The following DST variants were observed in gnomAD, a reference collection of about 807,000 sequenced individuals.
DST encodes dystonin, also known as bullous pemphigoid antigen.
DST carries 253 observed loss-of-function variants against 875.2 expected under a neutral mutation model. That is an observed-to-expected ratio of 0.29 (90% CI 0.26 to 0.32). DST has a LOEUF of 0.32. Ranked by LOEUF, DST falls within the 10% of genes least tolerant of loss-of-function variation. DST has a pLI of 1.00. For missense variants in DST, 8,287 were observed against 9,111.6 expected, an observed-to-expected ratio of 0.91 and a Z score of 3.68; for synonymous variants, 3,124 against 3,197.1, an observed-to-expected ratio of 0.98 and a Z score of 0.77.
At chr6:56,524,638 T>C (rs1037574258) in intron 69 of DST, among the ~76,000 whole-genome samples, 1 of 152,088 alleles carries the variant, frequency 6.6e-6, no homozygotes, top group Non-Finnish European at 1.5e-5. Flanking sequence ...GGTATTTTCA[T>C]TGGACAGACT....
At chr6:56,909,666 G>T (rs554278368) in intron 2 of DST, among the ~76,000 whole-genome samples, 1 of 152,302 alleles carries the variant, frequency 6.6e-6, no homozygotes, top group East Asian at 1.9e-4. Flanking sequence ...TTAAAATACA[G>T]ACTTCTGGGC....
chr6:56,770,292 G>T (rs2099648495), intron 4 of DST, among the ~76,000 whole-genome samples: 1 of 152,134 alleles, frequency 6.6e-6, no homozygotes, highest in Non-Finnish European at 1.5e-5. Flanking sequence ...TCAACATTTG[G>T]TCTGTTTGAC....
chr6:56,494,210 C>T (rs753964888), intron 82 of DST, 30 bp from the exon 83 acceptor site: 16 of 1,549,140 alleles, frequency 1.0e-5, no homozygotes, highest in Non-Finnish European at 1.4e-5. Context: ...AGTTATATCA[C>T]TTTAAGAAAG....
rs188676966 is a variant in DST at position 56,519,841 on chromosome 6, G to A, written c.18130-2221C>T. On this transcript the variant is annotated intron_variant, in intron 69 of 103. Transcript: ENST00000680361. Reference sequence around the variant, plus strand: ...CTAACACTCATAAGATCATATAAGAGCCAGGAAAATCTCAAACTGAATTAA... The same window carrying A: ...CTAACACTCATAAGATCATATAAGAACCAGGAAAATCTCAAACTGAATTAA... Among the ~76,000 whole-genome samples the A allele has an allele frequency of 2.2e-4, 34 of 152,272 alleles. No individual in the cohort carries two copies. The East Asian group carries it at 6.2e-3, about 28-fold the overall frequency.
intron 4 of DST, among the ~76,000 whole-genome samples, chr6:56,789,383 G>A (rs1488013479): frequency 6.6e-6 from 1 of 152,058 alleles, no homozygotes; most frequent in Non-Finnish European, 1.5e-5. Context: ...ATATGCATAT[G>A]TACACACCTC....
rs138672781 is a variant in DST at position 56,549,152 on chromosome 6, C to G, written c.16608+3032G>C. Among the ~76,000 whole-genome samples, 272 of 152,264 alleles carry G rather than the reference C, an allele frequency of 1.8e-3. 4 individuals are homozygous for G. The highest frequency in any genetic ancestry group is 0.015 in the Admixed American group (225 of 15,278). On this transcript the variant is annotated intron_variant, in intron 61 of 103. Transcript: ENST00000680361. Reference sequence around the variant, plus strand: ...TTACGGGTCCAGTGAATAGAAGGCACCCCCTGCTGAGTAACTGGGTAATAG... The same window carrying G: ...TTACGGGTCCAGTGAATAGAAGGCAGCCCCTGCTGAGTAACTGGGTAATAG...
intron 50 of DST, among the ~76,000 whole-genome samples, chr6:56,577,437 T>A (rs1195598953): frequency 6.6e-6 from 1 of 152,240 alleles, no homozygotes; most frequent in Non-Finnish European, 1.5e-5. Flanking sequence ...TATATTTTTG[T>A]GTTTTATAAT....
intron 10 of DST, among the ~76,000 whole-genome samples, chr6:56,652,356 G>C (rs2098981008): frequency 1.3e-5 from 2 of 152,182 alleles, no homozygotes; most frequent in South Asian, 4.1e-4. Context: ...GAACAATGTG[G>C]AAACAGGAAA....
intron 2 of DST, among the ~76,000 whole-genome samples, chr6:56,949,777 A>C (rs71564869): frequency 0.13 from 19,553 of 152,266 alleles, 1,463 homozygotes; most frequent in Middle Eastern, 0.2. Flanking sequence ...AGGATTTCTC[A>C]ATAATAAACT....
intron 4 of DST, among the ~76,000 whole-genome samples, chr6:56,762,426 G>A (rs1339870589): frequency 6.6e-6 from 1 of 152,202 alleles, no homozygotes; most frequent in Non-Finnish European, 1.5e-5. Context: ...GCAGAAGTGG[G>A]CTTCAAAAGC....
intron 10 of DST, among the ~76,000 whole-genome samples, chr6:56,654,645 T>C (rs1328738807): frequency 6.7e-6 from 1 of 150,198 alleles, no homozygotes; most frequent in Non-Finnish European, 1.5e-5. Context: ...TGTTGGCATT[T>C]ATGTATAGAT....
rs567953845 is a variant in DST, at chr6:56,809,760, G to GAAAAGA, written c.625+41631_625+41636dup. On this transcript the variant is annotated intron_variant, in intron 4 of 103. Transcript: ENST00000680361. Reference sequence around the variant, plus strand: ...TGTTTACCACCTTGAACTAGAACAAGAAAAGAAACTGATATATTTTAGACA... The same window carrying GAAAAGA: ...TGTTTACCACCTTGAACTAGAACAAGAAAAGAAAAAGAAACTGATATATTTTAGACA... Among the ~76,000 whole-genome samples the GAAAAGA allele has an allele frequency of 5.0e-4, 76 of 152,174 alleles. 3 individuals carry two copies. The South Asian group carries it at 0.015, about 31-fold the overall frequency.
At chr6:56,816,373 T>G (rs1404668089) in intron 4 of DST, among the ~76,000 whole-genome samples, 1 of 152,138 alleles carries the variant, frequency 6.6e-6, no homozygotes, top group African/African-American at 2.4e-5. Context: ...CTGAGGAGAA[T>G]AGTGAGACCT....
chr6:56,933,213 C>T (rs964998644), intron 2 of DST, among the ~76,000 whole-genome samples: 2 of 152,150 alleles, frequency 1.3e-5, no homozygotes, highest in East Asian at 3.8e-4. Flanking sequence ...CTTCCTTAAC[C>T]AATTGCAAAA....
At chr6:56,816,816 AT>A (rs35624872) in intron 4 of DST, among the ~76,000 whole-genome samples, 1,798 of 144,190 alleles carry the variant, frequency 0.012, 27 homozygotes, top group South Asian at 0.04. Context: ...AAATAGGCTG[AT>A]TTTTTTTTTT....
In DST at chr6:56,468,969, C is replaced by T; in HGVS notation, c.22569+13G>A. The T allele has an allele frequency of 6.4e-7, 1 of 1,572,852 alleles. No homozygotes were observed. The highest frequency in any genetic ancestry group is 8.6e-7 in the Non-Finnish European group (1 of 1,157,266). ...TCATCAGGAACTTGAGAATACATTC[C>T]ACTGGTTTATACCTGATTTCCCAGG... On this transcript the variant is annotated intron_variant, in intron 98 of 103. Transcript: ENST00000680361.
At chr6:56,871,776 T>TAAAAAAAAAAAAAAAAAA (rs746142378) in intron 3 of DST, 3 of 95,516 alleles carry the variant, frequency 3.1e-5, no homozygotes, top group South Asian at 2.1e-4. Context: ...CAATTAAAAG[T>TAAAAAAAAAAAAAAAAAA]AAAAAAAAAA....
Position 56,607,825 on chromosome 6 carries a change from T to C in DST, c.6803A>G (p.Glu2268Gly). The change falls in exon 40 of 104, where the codon GAA becomes GGA. Residue 2268 changes from glutamate (E) to glycine (G), a missense_variant. Coordinates refer to ENST00000680361, the MANE Select transcript of DST (RefSeq NM_001374736.1). ...GVFLNNASGR[E>G]KDECTATPSS... The stretch of plus-strand genomic sequence containing the variant: ...TGGTGTAGCTGTACATTCATCCTTT[T>C]CTCTACCTGAAGCATTATTAAGAAA... The C allele has an allele frequency of 6.2e-7, 1 of 1,613,544 alleles. No individual in the cohort carries two copies. The highest frequency in any genetic ancestry group is 8.5e-7 in the Non-Finnish European group (1 of 1,179,712).
chr6:56,895,058 G>T (rs1344040618), intron 3 of DST, among the ~76,000 whole-genome samples: 1 of 109,770 alleles, frequency 9.1e-6, no homozygotes, highest in Non-Finnish European at 1.8e-5. Flanking sequence ...TCCTGGACGG[G>T]GCGACTGGCC....
Sources: gnomAD v4.1 joint callset for allele counts (sites outside exome capture counted in the v4.1 genomes callset) on GRCh38, gnomAD v4.1.1 for gene constraint, MANE v1.5 for transcripts, NCBI Gene and HGNC (gene_info 2026-07-23, HGNC 2026-07-21) for gene names.